The following UBE2D3 variants were observed in gnomAD, a reference collection of about 807,000 sequenced individuals.
The protein encoded by UBE2D3 is ubiquitin conjugating enzyme E2 D3, also known as ubiquitin-conjugating enzyme E2 D3.
Under a neutral mutation model 22.8 loss-of-function variants are expected in UBE2D3, and 2 were observed. The observed-to-expected ratio is 0.09, with a 90% CI of 0.04 to 0.28. The LOEUF (loss-of-function observed/expected upper bound fraction) is 0.28. Among genes scored for constraint, UBE2D3 ranks in the 10% least tolerant of loss-of-function variants. The probability of loss-of-function intolerance (pLI) is 1.00; values close to 1 mark genes in which losing one functional copy is unlikely to be tolerated. For synonymous variants in UBE2D3, 56 were observed against 60.4 expected, an observed-to-expected ratio of 0.93 and a Z score of 0.34; for missense variants, 27 against 182.5, an observed-to-expected ratio of 0.15 and a Z score of 4.91.
At chr4:102,815,925 T>C (rs183258843) in intron 2 of UBE2D3, among the ~76,000 whole-genome samples, 16 of 152,354 alleles carry the variant, frequency 1.1e-4, no homozygotes, top group African/African-American at 3.4e-4. Context: ...TAGTATCTAA[T>C]ATTACTATTT....
chr4:102,814,734 C>T (rs960705641), intron 2 of UBE2D3, among the ~76,000 whole-genome samples: 1 of 152,116 alleles, frequency 6.6e-6, no homozygotes, highest in African/African-American at 2.4e-5. Flanking sequence ...GACCACCCAT[C>T]CTGAACCAAG....
chr4:102,867,493 C>T (rs1306995400), intron 1 of UBE2D3, among the ~76,000 whole-genome samples: 1 of 152,060 alleles, frequency 6.6e-6, no homozygotes, highest in Non-Finnish European at 1.5e-5. Context: ...TGACTTCAGC[C>T]AAAATATGAA....
At position 102,826,959 on chromosome 4, in the gene UBE2D3, G is replaced by C. The variant is rs752182535; in HGVS notation, c.-128-323C>G. 1.6e-5 allele frequency: 16 copies of C among 1,001,996 alleles called. No homozygotes were observed. In the Admixed American group the frequency reaches 1.8e-4, roughly 11 times the overall value. 62.1% of individuals were successfully genotyped at this position (1,001,996 alleles called of 1,614,324 possible). On this transcript the variant is annotated intron_variant, in intron 1 of 7. Transcript: ENST00000453744. ...GCCGGGGCCTAGTCGGCGCTATACC[G>C]GCGTCACTAGGGCAAAGAAAGGCAA...
intron 2 of UBE2D3, among the ~76,000 whole-genome samples, chr4:102,813,680 G>A (rs1465547391): frequency 1.3e-5 from 2 of 152,178 alleles, no homozygotes; most frequent in Non-Finnish European, 2.9e-5. Context: ...TGGAACAGAA[G>A]GTCCTAGGAG....
chr4:102,827,187 C>T, intron 1 of UBE2D3: 1 of 986,916 alleles, frequency 1.0e-6, no homozygotes, highest in Non-Finnish European at 1.2e-6. Context: ...CGCGCCCGCC[C>T]AGCCACCTCC....
At chr4:102,827,306 A>C in intron 1 of UBE2D3, 121 bp downstream of exon 1, 1 of 951,632 alleles carries the variant, frequency 1.1e-6, no homozygotes, top group Non-Finnish European at 1.3e-6. Context: ...TTCCCACCCT[A>C]ACCCACCGCA....
At chr4:102,799,834 G>T (rs1332691508) in intron 6 of UBE2D3, among the ~76,000 whole-genome samples, 1 of 49,396 alleles carries the variant, frequency 2.0e-5, no homozygotes. Context: ...TCAGTGGCTG[G>T]GGGGGGGGGG....
chr4:102,829,716 T>C (rs1731008700), upstream of UBE2D3, among the ~76,000 whole-genome samples: 1 of 152,096 alleles, frequency 6.6e-6, no homozygotes. Flanking sequence ...GACGGGTGGA[T>C]CATATGAGAT....
At chr4:102,817,238 T>C (rs1728900630) in intron 2 of UBE2D3, among the ~76,000 whole-genome samples, 1 of 152,236 alleles carries the variant, frequency 6.6e-6, no homozygotes, top group African/African-American at 2.4e-5. Context: ...AGGTTATGAC[T>C]TGATCTTTTA....
chr4:102,829,220 A>G (rs1730970336), upstream of UBE2D3, among the ~76,000 whole-genome samples: 2 of 152,152 alleles, frequency 1.3e-5, no homozygotes, highest in African/African-American at 4.8e-5. Flanking sequence ...ACTAGCTCCC[A>G]GGTGATACAG....
rs1252551917 is a variant in UBE2D3 at position 102,859,425 on chromosome 4, A to C, written c.-129+9290T>G. Among the ~76,000 whole-genome samples, 8 of 152,050 alleles carry C rather than the reference A, an allele frequency of 5.3e-5. 2 individuals are homozygous for C. The highest frequency in any genetic ancestry group is 5.2e-4 in the Admixed American group (8 of 15,258). The stretch of plus-strand genomic sequence containing the variant: ...CAGGTAATGTGCCAGTGTTTTGGCA[A>C]GGTCTGAGAAAGGCACATCTTACAC... On this transcript the variant is annotated intron_variant, in intron 1 of 7. Coordinates refer to the UBE2D3 transcript ENST00000338145.
chr4:102,828,440 C>CT (rs1730905567), upstream of UBE2D3, among the ~76,000 whole-genome samples: 1 of 151,934 alleles, frequency 6.6e-6, no homozygotes, highest in African/African-American at 2.4e-5. Flanking sequence ...CTCCCACGTG[C>CT]TGAAGTCTAG....
chr4:102,817,262 AT>A (rs1316068861), intron 2 of UBE2D3, among the ~76,000 whole-genome samples: 1 of 152,240 alleles, frequency 6.6e-6, no homozygotes, highest in Non-Finnish European at 1.5e-5. Flanking sequence ...GAGCCCTTGA[AT>A]TTAGTCAGAC....
chr4:102,802,718 C>T (rs1726382237), intron 4 of UBE2D3, 80 bp from the exon 5 acceptor site: 2 of 1,159,518 alleles, frequency 1.7e-6, no homozygotes, highest in East Asian at 2.5e-5. Flanking sequence ...CCAAGCATTT[C>T]TCTAATAATG....
Position 102,838,602 on chromosome 4 carries a change from T to C in UBE2D3, c.-128-11966A>G, listed in dbSNP as rs1001080223. Among the ~76,000 whole-genome samples, 3 of 152,278 alleles carry C rather than the reference T, an allele frequency of 2.0e-5. No homozygotes were observed. The South Asian group carries it at 6.2e-4, about 32-fold the overall frequency. On this transcript the variant is annotated intron_variant, in intron 1 of 7. Coordinates refer to the UBE2D3 transcript ENST00000338145. ...CTTAACTCTCAAAAAGAAATATTTTTGTTACAGAATAAAGCTTGTAACACC... is the reference window on the plus strand; with the variant it reads ...CTTAACTCTCAAAAAGAAATATTTTCGTTACAGAATAAAGCTTGTAACACC...
Position 102,800,980 on chromosome 4 carries a change from T to TAGAAAC in UBE2D3, c.304+468_304+473dup, listed in dbSNP as rs566939174. On this transcript the variant is annotated intron_variant, in intron 6 of 7. Coordinates refer to ENST00000453744, the MANE Select transcript of UBE2D3 (RefSeq NM_181891.3). ...TATATAATTTTAGACTGTCATTAGG[T>TAGAAAC]AGAAACAACCTATCATGGTTACATA... is the stretch of plus-strand genomic sequence containing the variant. Among the ~76,000 whole-genome samples the TAGAAAC allele has an allele frequency of 1.9e-4, 29 of 152,128 alleles. No individual in the cohort carries two copies. In the South Asian group the frequency reaches 5.8e-3, roughly 30 times the overall value.
intron 7 of UBE2D3, 100 bp from the exon 8 acceptor site, chr4:102,797,560 T>G: frequency 1.1e-6 from 1 of 904,466 alleles, no homozygotes; most frequent in Non-Finnish European, 1.7e-6. Flanking sequence ...AGACTCATCA[T>G]GAAGTCATCT....
intron 5 of UBE2D3, 56 bp downstream of exon 5, chr4:102,802,505 T>A (rs1325670651): frequency 1.0e-5 from 15 of 1,442,106 alleles, no homozygotes; most frequent in Non-Finnish European, 1.1e-5. Flanking sequence ...GAATGCTCTA[T>A]TCCTTTGAAA....
intron 4 of UBE2D3, 58 bp from the exon 5 acceptor site, chr4:102,802,696 T>A: frequency 7.4e-7 from 1 of 1,357,308 alleles, no homozygotes; most frequent in Non-Finnish European, 1.0e-6. Flanking sequence ...AAATATTCCG[T>A]AACATTTGTT....
Sources: allele counts gnomAD v4.1 joint callset (sites outside exome capture counted in the v4.1 genomes callset), GRCh38; gene constraint gnomAD v4.1.1; transcripts MANE v1.5; gene names NCBI Gene and HGNC (gene_info 2026-07-23, HGNC 2026-07-21).